F13A1: variants seen among roughly 807,000 people sequenced by gnomAD.
The protein encoded by F13A1 is FSF, A subunit.
Under a neutral mutation model 80.1 loss-of-function variants are expected in F13A1, and 47 were observed. The observed-to-expected ratio is 0.59, with a 90% confidence interval of 0.46 to 0.75. F13A1 has a LOEUF of 0.75. F13A1 is among the 30% of genes least tolerant of loss of function. F13A1 has a pLI of 0.00. For synonymous variants in F13A1, 349 were observed against 344.9 expected (o/e 1.01, Z -0.13); for missense variants, 817 against 930.4 (o/e 0.88, Z 1.59).
chr6:6,242,525 G>A lies in F13A1; in HGVS notation c.798+5787C>T, dbSNP rs115735896. Reference sequence around the variant, plus strand: ...TTTAAAAATATGTAACTATATTGACGTTTTTTTCTCTCCTCCTACTTTCCT... The same window carrying A: ...TTTAAAAATATGTAACTATATTGACATTTTTTTCTCTCCTCCTACTTTCCT... On this transcript the variant is annotated intron_variant, in intron 6 of 14. Coordinates refer to ENST00000264870, the MANE Select transcript of F13A1 (RefSeq NM_000129.4). Among the ~76,000 whole-genome samples the A allele has an allele frequency of 8.4e-3, 1,278 of 152,164 alleles. 8 individuals are homozygous for A. Among genetic ancestry groups the A allele is most frequent in the Admixed American group, 0.013 (198 of 15,268 alleles).
At chr6:6,174,408 A>T (rs1480278414) in intron 12 of F13A1, among the ~76,000 whole-genome samples, 172 bp downstream of exon 12, 3 of 146,744 alleles carry the variant, frequency 2.0e-5, no homozygotes, top group East Asian at 2.0e-4. Flanking sequence ...AAAATAAAAA[A>T]AAAGAAAGTG....
chr6:6,297,570 A>C (rs943944238), intron 3 of F13A1, among the ~76,000 whole-genome samples: 4 of 149,948 alleles, frequency 2.7e-5, no homozygotes, highest in African/African-American at 1.0e-4. Flanking sequence ...GGTAGTTTGT[A>C]TTTCTGTGGG....
rs116230449 is a variant in F13A1 at position 6,284,090 on chromosome 6, A to G, written c.320-17281T>C. On this transcript the variant is annotated intron_variant, in intron 3 of 14. Transcript: ENST00000264870. The stretch of plus-strand genomic sequence containing the variant: ...AGAGAGCAAAAAGAGATTTGTTTCT[A>G]ACTTCCAAATATGATTACCTTATGC... Among the ~76,000 whole-genome samples the G allele has an allele frequency of 2.7e-3, 408 of 152,354 alleles. 2 individuals are homozygous for G. Among genetic ancestry groups the G allele is most frequent in the African/African-American group, 9.6e-3 (398 of 41,578 alleles).
intron 11 of F13A1, among the ~76,000 whole-genome samples, 157 bp downstream of exon 11, chr6:6,181,831 T>C (rs537041446): frequency 1.3e-5 from 2 of 152,228 alleles, no homozygotes; most frequent in Non-Finnish European, 2.9e-5. Context: ...AAATTGCATA[T>C]GTGACGTGTC....
At chr6:6,180,390 G>T (rs1477654939) in intron 11 of F13A1, among the ~76,000 whole-genome samples, 1 of 152,190 alleles carries the variant, frequency 6.6e-6, no homozygotes, top group Non-Finnish European at 1.5e-5. Flanking sequence ...CTCCCCAGCT[G>T]CATGGGAAGG....
chr6:6,292,162 A>G (rs1409533428), intron 3 of F13A1, among the ~76,000 whole-genome samples: 1 of 152,206 alleles, frequency 6.6e-6, no homozygotes, highest in Non-Finnish European at 1.5e-5. Flanking sequence ...TGCTTGAACA[A>G]TTAAATGGGA....
intron 8 of F13A1, among the ~76,000 whole-genome samples, chr6:6,207,296 T>A (rs1761514228): frequency 6.6e-6 from 1 of 152,198 alleles, no homozygotes; most frequent in Non-Finnish European, 1.5e-5. Context: ...ACTGCTTAAC[T>A]TGCCTGGCAG....
At chr6:6,195,685 G>T in intron 10 of F13A1, 112 bp downstream of exon 10, 2 of 894,080 alleles carry the variant, frequency 2.2e-6, no homozygotes, top group South Asian at 1.4e-5. Context: ...TTGTCAACAC[G>T]AAGCATACGC....
intron 10 of F13A1, among the ~76,000 whole-genome samples, chr6:6,182,424 A>C (rs1761004645): frequency 6.6e-6 from 1 of 152,118 alleles, no homozygotes; most frequent in Non-Finnish European, 1.5e-5. Context: ...GATAAGTCCT[A>C]CCTCTCACAG....
At chr6:6,182,263 C>G in intron 10 of F13A1, 122 bp from the exon 11 acceptor site, 1 of 1,061,736 alleles carries the variant, frequency 9.4e-7, no homozygotes, top group Admixed American at 1.9e-5. Context: ...TCTTCAACAA[C>G]ATTGGATTCG....
chr6:6,161,543 TGTGTGTGTGAGA>T (rs1760573630), intron 13 of F13A1, among the ~76,000 whole-genome samples: 1 of 151,074 alleles, frequency 6.6e-6, no homozygotes, highest in Admixed American at 6.6e-5. Flanking sequence ...TGTGTGTGTG[TGTGTGTGTGAGA>T]GAGAGAGAGA....
intron 3 of F13A1, among the ~76,000 whole-genome samples, chr6:6,298,709 C>T (rs1448365429): frequency 6.7e-6 from 1 of 149,826 alleles, no homozygotes; most frequent in Non-Finnish European, 1.5e-5. Flanking sequence ...TCCAATTTGC[C>T]AGTCTGTGTC....
chr6:6,285,665 G>A (rs1164647164), intron 3 of F13A1, among the ~76,000 whole-genome samples: 1 of 152,228 alleles, frequency 6.6e-6, no homozygotes, highest in African/African-American at 2.4e-5. Context: ...GGCATGAGTA[G>A]GGGAGGAGAG....
At chr6:6,281,697 A>G (rs1230495492) in intron 3 of F13A1, among the ~76,000 whole-genome samples, 1 of 152,176 alleles carries the variant, frequency 6.6e-6, no homozygotes, top group Non-Finnish European at 1.5e-5. Flanking sequence ...CAAAGATAAA[A>G]AATGTATGGA....
At chr6:6,251,060 T>C (rs1757625786) in intron 4 of F13A1, 131 bp from the exon 5 acceptor site, 3 of 770,232 alleles carry the variant, frequency 3.9e-6, no homozygotes, top group Non-Finnish European at 7.1e-6. Context: ...GCCCTTTGTT[T>C]CACCAAGCAT....
intron 2 of F13A1, among the ~76,000 whole-genome samples, chr6:6,315,462 A>G (rs1223099586): frequency 6.6e-6 from 1 of 151,870 alleles, no homozygotes; most frequent in South Asian, 2.1e-4. Context: ...CTTGAATATC[A>G]TGGTGTGTAT....
Position 6,197,300 on chromosome 6 carries a change from C to T in F13A1, c.1139G>A (p.Trp380Ter). 6.2e-7 allele frequency: 1 copy of T among 1,614,232 alleles called. No homozygotes were observed. The highest frequency in any genetic ancestry group is 8.5e-7 in the Non-Finnish European group (1 of 1,180,038). The change falls in exon 9 of 15, where the codon TGG becomes TAG. Residue 380 changes from tryptophan (W) to a stop codon, truncating the protein, a stop_gained. Transcript: ENST00000264870. LOFTEE classifies it high-confidence loss of function. The part of the protein sequence containing the change: ...VWNYHCWNEA[W>*]MTRPDLPVGF... Reference sequence around the variant, plus strand: ...AACAGGAAGGTCAGGCCTTGTCATCCATGCTTCATTCCAGCAGTGGTAGTT... The same window carrying T: ...AACAGGAAGGTCAGGCCTTGTCATCTATGCTTCATTCCAGCAGTGGTAGTT...
chr6:6,302,231 C>T (rs1429039562), intron 3 of F13A1, among the ~76,000 whole-genome samples: 1 of 152,132 alleles, frequency 6.6e-6, no homozygotes, highest in East Asian at 1.9e-4. Context: ...ATAAAACTTC[C>T]CTCATAATTG....
chr6:6,199,121 A>AC (rs1761345637), intron 8 of F13A1, among the ~76,000 whole-genome samples: 1 of 152,140 alleles, frequency 6.6e-6, no homozygotes, highest in Non-Finnish European at 1.5e-5. Context: ...TACATATAAC[A>AC]CTTCCTTAGT....
Sources: gnomAD v4.1 joint callset for allele counts (sites outside exome capture counted in the v4.1 genomes callset) on GRCh38, gnomAD v4.1.1 for gene constraint, MANE v1.5 for transcripts, NCBI Gene and HGNC (gene_info 2026-07-23, HGNC 2026-07-21) for gene names.